XPO1: variants seen among roughly 807,000 people sequenced by gnomAD.
XPO1 encodes exportin 1, also known as exportin-1.
A neutral mutation model predicts 133.3 loss-of-function variants in XPO1; 5 were observed. That is an observed-to-expected ratio of 0.04 (90% confidence interval 0.02 to 0.08). The LOEUF (loss-of-function observed/expected upper bound fraction) is 0.08, where lower values mean the gene tolerates loss of function less well. Ranked by LOEUF, XPO1 falls within the 10% of genes least tolerant of loss-of-function variation. XPO1 has a pLI of 1.00. For synonymous variants in XPO1, 419 were observed against 408.2 expected (o/e 1.03, Z -0.32); for missense variants, 506 against 1,267.5 (o/e 0.40, Z 9.12).
intron 24 of XPO1, among the ~76,000 whole-genome samples, chr2:61,479,367 A>G (rs1196922047): frequency 6.6e-6 from 1 of 151,844 alleles, no homozygotes; most frequent in African/African-American, 2.4e-5. Flanking sequence ...CAGGAGAATC[A>G]CTTGAACCTG....
In XPO1 at chr2:61,534,099, AATT is replaced by A. The variant is rs1232438551; in HGVS notation, c.-6-199_-6-197del. 7 of 493,860 alleles carry A rather than the reference AATT, an allele frequency of 1.4e-5. No homozygotes were observed. In the East Asian group the frequency reaches 2.2e-4, roughly 16 times the overall value. 30.6% of individuals were successfully genotyped at this position (493,860 alleles called of 1,614,324 possible). On this transcript the variant is annotated intron_variant, in intron 1 of 24. Transcript: ENST00000401558. ...TACTTAGCTATTTGATAATTACATA[AATT>A]ATTATGGTCCATTCAACTTTTCTAG...
chr2:61,493,117 A>G, intron 12 of XPO1, 64 bp from the exon 13 acceptor site: 1 of 1,467,944 alleles, frequency 6.8e-7, no homozygotes, highest in Non-Finnish European at 9.0e-7. Flanking sequence ...TTAGTGTAGA[A>G]GCTTAGTTAA....
At chr2:61,525,739 G>A (rs1698882287) in intron 3 of XPO1, 3 of 1,028,462 alleles carry the variant, frequency 2.9e-6, no homozygotes, top group Non-Finnish European at 1.2e-6. Context: ...TTTTAAAACT[G>A]TTAATTAACA....
chr2:61,486,977 C>T (rs927482033), intron 19 of XPO1, among the ~76,000 whole-genome samples: 3 of 151,328 alleles, frequency 2.0e-5, no homozygotes, highest in African/African-American at 7.3e-5. Context: ...TAAAGAGTAA[C>T]TTCTTGTTCT....
chr2:61,527,197 C>G (rs1031237199), intron 2 of XPO1, among the ~76,000 whole-genome samples: 1 of 151,772 alleles, frequency 6.6e-6, no homozygotes, highest in Non-Finnish European at 1.5e-5. Flanking sequence ...AGGCCAGTAG[C>G]AGTGTTTCAT....
At position 61,492,764 on chromosome 2, in the gene XPO1, T is replaced by C. The variant is rs376146669; in HGVS notation, c.1385-16A>G. 1.9e-6 allele frequency: 3 copies of C among 1,606,636 alleles called. No individual in the cohort carries two copies. The highest frequency in any genetic ancestry group is 2.7e-5 in the African/African-American group (2 of 74,564). On this transcript the variant is annotated splice_polypyrimidine_tract_variant and intron_variant, in intron 13 of 24. Coordinates refer to ENST00000401558, the MANE Select transcript of XPO1 (RefSeq NM_003400.4). The surrounding 1 kb of genome is among the most constrained non-coding windows in gnomAD (Gnocchi z 5.6). Reference sequence around the variant, plus strand: ...GTAAGATAAACTACAAAGAAAAACATGGTTTCAAATGCAAATAATGAGCAG... The same window carrying C: ...GTAAGATAAACTACAAAGAAAAACACGGTTTCAAATGCAAATAATGAGCAG...
In XPO1 at chr2:61,492,276, T is replaced by C; in HGVS notation, c.1723+49A>G. 1 of 1,582,110 alleles carries C rather than the reference T, an allele frequency of 6.3e-7. No homozygotes were observed. Among genetic ancestry groups the C allele is most frequent in the South Asian group, 1.2e-5 (1 of 85,272 alleles). On this transcript the variant is annotated intron_variant, in intron 15 of 24. Coordinates refer to ENST00000401558, the MANE Select transcript of XPO1 (RefSeq NM_003400.4). The surrounding 1 kb of genome is among the most constrained non-coding windows in gnomAD (Gnocchi z 5.6). ...CTAACAAGACAAAAACATTCATTTA[T>C]TTTCTTCAATAAAAATAAAAGCAAA...
chr2:61,488,423 T>C, intron 18 of XPO1, 152 bp from the exon 19 acceptor site: 1 of 1,203,598 alleles, frequency 8.3e-7, no homozygotes, highest in Non-Finnish European at 1.2e-6. Context: ...TAAGACTAAT[T>C]TTAAAAGGGA....
At chr2:61,520,671 A>T (rs1460937515) in intron 4 of XPO1, among the ~76,000 whole-genome samples, 1 of 152,158 alleles carries the variant, frequency 6.6e-6, no homozygotes, top group Admixed American at 6.5e-5. Flanking sequence ...AGAAACAAAA[A>T]TTTTTTAAAT....
intron 6 of XPO1, among the ~76,000 whole-genome samples, chr2:61,500,957 A>C (rs976229312): frequency 1.3e-5 from 2 of 152,204 alleles, no homozygotes; most frequent in Non-Finnish European, 2.9e-5. Flanking sequence ...GACGCACTGC[A>C]ATCGGGGCCT....
chr2:61,490,818 C>A, intron 16 of XPO1, 42 bp from the exon 17 acceptor site: 1 of 1,588,074 alleles, frequency 6.3e-7, no homozygotes, highest in Non-Finnish European at 8.6e-7. Context: ...TGTTATACAC[C>A]CTAATAAGGA....
intron 4 of XPO1, among the ~76,000 whole-genome samples, chr2:61,520,265 G>A (rs1408325603): frequency 2.6e-5 from 4 of 152,292 alleles, no homozygotes; most frequent in Admixed American, 2.6e-4. Context: ...GTTACTTAAA[G>A]ATGAAGGAAA....
At chr2:61,490,839 C>A (rs796277182) in intron 16 of XPO1, 63 bp from the exon 17 acceptor site, 1 of 1,570,840 alleles carries the variant, frequency 6.4e-7, no homozygotes, top group African/African-American at 1.4e-5. Flanking sequence ...AAACCACACA[C>A]AAGCAATTCA....
chr2:61,488,733 C>A lies in XPO1; in HGVS notation c.2061G>T (p.Gln687His), dbSNP rs2104387812. The change falls in exon 18 of 25, where the codon CAG (glutamine) becomes CAT (histidine). Residue 687 changes from glutamine to histidine, a missense_variant. Transcript: ENST00000401558. ...CATTTGTTTTCAAAATGCTACCAAG[C>A]TGCTTGACTGTTTCAGGATCTTTCA... Reference protein sequence around the residue: ...DILKDPETVKQLGSILKTNVR... With the variant: ...DILKDPETVKHLGSILKTNVR... 6.2e-7 allele frequency: 1 copy of A among 1,614,160 alleles called. No individual in the cohort carries two copies. The highest frequency in any genetic ancestry group is 8.5e-7 in the Non-Finnish European group (1 of 1,180,040).
At chr2:61,496,093 A>T (rs1220349468) in intron 10 of XPO1, among the ~76,000 whole-genome samples, 1 of 152,200 alleles carries the variant, frequency 6.6e-6, no homozygotes, top group African/African-American at 2.4e-5. Flanking sequence ...ACTCTTCTCA[A>T]ATAAATTAAA....
Position 61,483,069 on chromosome 2 carries a change from G to T in XPO1, c.2700C>A (p.Leu900=). Reference sequence around the variant, plus strand: ...CTTCTTCTTGTGCAACATTTTGTAAGAGTGTAAAAAGTATCTGTAAGCCTA... The same window carrying T: ...CTTCTTCTTGTGCAACATTTTGTAATAGTGTAAAAAGTATCTGTAAGCCTA... The part of the protein sequence containing the change: ...ADTGLQILFT[L]LQNVAQEEAA... The change falls in exon 22 of 25, where the codon CTC becomes CTA. Residue 900 remains leucine, a synonymous_variant. Transcript: ENST00000401558. 1 of 1,613,114 alleles carries T rather than the reference G, an allele frequency of 6.2e-7. No individual in the cohort carries two copies. Among genetic ancestry groups the T allele is most frequent in the South Asian group, 1.1e-5 (1 of 91,030 alleles).
At chr2:61,533,231 T>A (rs750676877) in intron 2 of XPO1, among the ~76,000 whole-genome samples, 1 of 152,200 alleles carries the variant, frequency 6.6e-6, no homozygotes, top group East Asian at 1.9e-4. Context: ...TTGTGACATA[T>A]ACAATTTAAA....
chr2:61,507,253 A>C (rs1697872394), intron 4 of XPO1, among the ~76,000 whole-genome samples: 1 of 150,240 alleles, frequency 6.7e-6, no homozygotes, highest in South Asian at 2.1e-4. Flanking sequence ...CAAAAAAAAA[A>C]AAAAAAGAGT....
chr2:61,519,243 T>C (rs1285071839), intron 4 of XPO1, among the ~76,000 whole-genome samples: 1 of 152,180 alleles, frequency 6.6e-6, no homozygotes, highest in African/African-American at 2.4e-5. Flanking sequence ...GCCACCGTGC[T>C]GAGCCTATCT....
Sources: allele counts gnomAD v4.1 joint callset (sites outside exome capture counted in the v4.1 genomes callset), GRCh38; gene constraint gnomAD v4.1.1; non-coding constraint Gnocchi (gnomAD v3.1); transcripts MANE v1.5; gene names NCBI Gene and HGNC (gene_info 2026-07-23, HGNC 2026-07-21).